Variants in ITGA2 observed in about 807,000 individuals in gnomAD.
ITGA2 encodes integrin subunit alpha 2, also known as integrin alpha-2.
ITGA2 carries 101 observed loss-of-function variants against 146.3 expected under a neutral mutation model. The ratio of observed to expected loss-of-function variants is 0.69; its 90% confidence interval spans 0.59 to 0.81. The LOEUF (loss-of-function observed/expected upper bound fraction) is 0.81, where lower values mean the gene tolerates loss of function less well. Among genes scored for constraint, ITGA2 ranks in the 40% least tolerant of loss-of-function variants. The probability of loss-of-function intolerance (pLI) is 0.00; values close to 1 mark genes in which losing one functional copy is unlikely to be tolerated. For synonymous variants in ITGA2, 477 were observed against 487.1 expected (o/e 0.98, Z 0.27); for missense variants, 1,281 against 1,402.7 (o/e 0.91, Z 1.39).
Position 53,044,274 on chromosome 5 carries a change from CAAAAAAAAAAAAAAAA to C in ITGA2, c.296-710_296-695del, listed in dbSNP as rs11421419. Reference sequence around the variant, plus strand: ...TGGATGACAGAGTGAGACTCTGTCTCAAAAAAAAAAAAAAAAAAAAAAAAAAAAAAAAGAAAGGTGA... The same window carrying C: ...TGGATGACAGAGTGAGACTCTGTCTCAAAAAAAAAAAAAAAAGAAAGGTGA... On this transcript the variant is annotated intron_variant, in intron 3 of 29. Coordinates refer to ENST00000296585, the MANE Select transcript of ITGA2 (RefSeq NM_002203.4). Among the ~76,000 whole-genome samples the C allele has an allele frequency of 5.0e-4, 19 of 37,778 alleles. 1 individual carries two copies. Among genetic ancestry groups the C allele is most frequent in the East Asian group, 8.9e-4 (1 of 1,120 alleles). 24.8% of individuals were successfully genotyped at this position (37,778 alleles called of 152,430 possible).
chr5:53,032,731 A>G (rs1472547821), intron 2 of ITGA2, among the ~76,000 whole-genome samples: 1 of 152,192 alleles, frequency 6.6e-6, no homozygotes, highest in East Asian at 1.9e-4. Flanking sequence ...TGTTAGCATC[A>G]TTGGCTTTAC....
intron 12 of ITGA2, among the ~76,000 whole-genome samples, chr5:53,061,375 A>G (rs561407184): frequency 1.3e-5 from 2 of 152,016 alleles, no homozygotes; most frequent in South Asian, 4.1e-4. Context: ...CCCTGGATTA[A>G]TAATGCATGG....
intron 9 of ITGA2, 47 bp from the exon 10 acceptor site, chr5:53,057,978 T>C: frequency 1.4e-6 from 2 of 1,421,292 alleles, no homozygotes; most frequent in South Asian, 1.1e-5. Flanking sequence ...GAAAACTTGA[T>C]TTAAAATTAC....
chr5:53,022,523 T>A (rs1742739786), intron 1 of ITGA2, among the ~76,000 whole-genome samples: 2 of 152,210 alleles, frequency 1.3e-5, no homozygotes, highest in South Asian at 4.1e-4. Flanking sequence ...TCCAAAAAAA[T>A]TATTTCAGAG....
intron 23 of ITGA2, among the ~76,000 whole-genome samples, chr5:53,077,408 G>A (rs3212600): frequency 0.37 from 56,368 of 151,796 alleles, 10,613 homozygotes; most frequent in Admixed American, 0.43. Context: ...TAGAAATAGC[G>A]ATAATAGTAT....
chr5:53,055,615 C>A lies in ITGA2; in HGVS notation c.857C>A (p.Ser286Ter). ...ATGGTAGTTGTAACTGACGGTGAAT[C>A]ACATGATGGTTCAATGTTGAAAGCT... ...KVMVVVTDGE[S>*]HDGSMLKAVI... is the part of the protein sequence containing the mutation. The change falls in exon 8 of 30, where the codon TCA becomes TAA. Residue 286 changes from serine (S) to a stop codon, truncating the protein, a stop_gained. Coordinates refer to ENST00000296585, the MANE Select transcript of ITGA2 (RefSeq NM_002203.4). LOFTEE classifies it high-confidence loss of function. The A allele has an allele frequency of 1.9e-6, 3 of 1,613,250 alleles. No individual in the cohort carries two copies. The highest frequency in any genetic ancestry group is 2.5e-6 in the Non-Finnish European group (3 of 1,179,416).
At position 53,026,862 on chromosome 5, in the gene ITGA2, G is replaced by A. The variant is rs371889365; in HGVS notation, c.179G>A (p.Gly60Asp). 12 of 1,611,794 alleles carry A rather than the reference G, an allele frequency of 7.4e-6. No individual in the cohort carries two copies. The highest frequency in any genetic ancestry group is 9.3e-6 in the Non-Finnish European group (11 of 1,178,148). Residue 60 changes from glycine (G) to aspartate (D), a missense_variant, in exon 2 of 30, where the codon GGC (glycine) becomes GAC (aspartate). By Grantham distance (94) the Gly-to-Asp change is moderately conservative. This residue lies in a region of ITGA2 where 795 missense variants were observed against 841.7 expected (regional missense o/e 0.94). Transcript: ENST00000296585. Reference protein sequence around the residue: ...YAVQQFINPKGNWLLVGSPWS... With the variant: ...YAVQQFINPKDNWLLVGSPWS... Reference sequence around the variant, plus strand: ...GTGCAGCAGTTTATAAATCCAAAAGGCAACTGGTAAGAATATTCTCTTCTT... The same window carrying A: ...GTGCAGCAGTTTATAAATCCAAAAGACAACTGGTAAGAATATTCTCTTCTT...
At chr5:53,086,835 G>T in intron 27 of ITGA2, 117 bp from the exon 28 acceptor site, 1 of 844,124 alleles carries the variant, frequency 1.2e-6, no homozygotes. Context: ...TGGGTCTTCA[G>T]AACCATTTGC....
intron 3 of ITGA2, among the ~76,000 whole-genome samples, chr5:53,044,006 G>A (rs935332633): frequency 1.3e-5 from 2 of 151,992 alleles, no homozygotes; most frequent in East Asian, 1.9e-4. Context: ...TGGGCATGGT[G>A]TCTCACGCCT....
At chr5:53,027,703 A>T (rs566168077) in intron 2 of ITGA2, among the ~76,000 whole-genome samples, 13 of 152,152 alleles carry the variant, frequency 8.5e-5, no homozygotes, top group South Asian at 2.1e-4. Flanking sequence ...ATCCCCACTC[A>T]CCCTGGAACT....
intron 16 of ITGA2, 107 bp from the exon 17 acceptor site, chr5:53,070,002 T>G: frequency 1.1e-6 from 1 of 881,734 alleles, no homozygotes; most frequent in Non-Finnish European, 1.8e-6. Context: ...TATTTCCATA[T>G]TTTCTTGATG....
chr5:53,053,163 G>A (rs1744464406), intron 7 of ITGA2, among the ~76,000 whole-genome samples: 1 of 152,048 alleles, frequency 6.6e-6, no homozygotes, highest in South Asian at 2.1e-4. Flanking sequence ...GCCACATCCT[G>A]TCATTTCTAT....
In ITGA2 at chr5:53,067,236, A is replaced by G. The variant is rs753137353; in HGVS notation, c.2062A>G (p.Thr688Ala). Residue 688 changes from threonine to alanine, a missense_variant, in exon 16 of 30, where the codon ACT becomes GCT. Physicochemically the swap from Thr to Ala is moderately conservative, Grantham distance 58. Around this residue, in one of 3 missense-constraint regions of ITGA2, gnomAD observed 795 missense variants for 841.7 expected, o/e 0.94. Transcript: ENST00000296585. Reference protein sequence around the residue: ...KLCFSAKFRPTKQNNQVAIVY... With the variant: ...KLCFSAKFRPAKQNNQVAIVY... The stretch of plus-strand genomic sequence containing the variant: ...CTGCTTCAGTGCAAAGTTCAGACCT[A>G]CTAAGCAAAACAATCAAGTGGGTGC... 1.2e-6 allele frequency: 2 copies of G among 1,611,654 alleles called. No homozygotes were observed. The highest frequency in any genetic ancestry group is 3.3e-5 in the Admixed American group (2 of 59,798).
intron 1 of ITGA2, among the ~76,000 whole-genome samples, chr5:53,020,433 G>A (rs1444852141): frequency 6.6e-6 from 1 of 152,168 alleles, no homozygotes; most frequent in Non-Finnish European, 1.5e-5. Context: ...AGGCATAAAT[G>A]TAGGGATCCC....
At chr5:53,003,040 C>A (rs1408054829) in intron 1 of ITGA2, among the ~76,000 whole-genome samples, 3 of 152,116 alleles carry the variant, frequency 2.0e-5, no homozygotes, top group African/African-American at 7.2e-5. Flanking sequence ...CTTATGATAA[C>A]CAGCCTTGAA....
In ITGA2 at chr5:53,042,318, A is replaced by C. The variant is rs1412355611; in HGVS notation, c.295+97A>C. ...ATTGTTCTGTCTTAAAGAAATACAG[A>C]CAGCTTTTTTTTGCCCTTATGTCTT... On this transcript the variant is annotated intron_variant, in intron 3 of 29. Transcript: ENST00000296585. 6.8e-6 allele frequency: 6 copies of C among 878,500 alleles called. No homozygotes were observed. In the East Asian group the frequency reaches 7.6e-5, roughly 11 times the overall value. 54.4% of individuals were successfully genotyped at this position (878,500 alleles called of 1,614,324 possible). A position where few individuals can be genotyped will look rare whatever the true frequency, so the allele number is the denominator to read the frequency against.
rs755079465 is a variant in ITGA2 at position 53,059,922 on chromosome 5, A to G, written c.1222A>G (p.Ile408Val). The G allele has an allele frequency of 2.5e-6, 4 of 1,612,190 alleles. No homozygotes were observed. The highest frequency in any genetic ancestry group is 1.3e-5 in the African/African-American group (1 of 74,816). The change falls in exon 11 of 30, where the codon ATT becomes GTT. Residue 408 changes from isoleucine (I) to valine (V), a missense_variant. Around this residue, in one of 3 missense-constraint regions of ITGA2, gnomAD observed 795 missense variants for 841.7 expected, o/e 0.94. Transcript: ENST00000296585. ...AVGAFGWSGT[I>V]VQKTSHGHLI... The stretch of plus-strand genomic sequence containing the variant: ...GGGAGCTTTTGGCTGGAGTGGGACC[A>G]TTGTCCAGAAGACATCTCATGGCCA...
rs1243830465 is a variant in ITGA2, at chr5:53,093,222, G to C, written c.*2623G>C. The C allele has an allele frequency of 1.3e-5, 2 of 152,164 alleles. No homozygotes were observed. The highest frequency in any genetic ancestry group is 1.9e-4 in the East Asian group (1 of 5,192). 9.4% of individuals were successfully genotyped at this position (152,164 alleles called of 1,614,324 possible). A position where few individuals can be genotyped will look rare whatever the true frequency, so the allele number is the denominator to read the frequency against. ...ACTCTGTCTCACCTCCTTTAGGTGA[G>C]TACTTCCTTAAATAAGTGCTAAACA... On this transcript the variant is annotated 3_prime_UTR_variant, in exon 30 of 30. Coordinates refer to ENST00000296585, the MANE Select transcript of ITGA2 (RefSeq NM_002203.4).
At chr5:53,027,112 A>G (rs969611463) in intron 2 of ITGA2, among the ~76,000 whole-genome samples, 1 of 152,088 alleles carries the variant, frequency 6.6e-6, no homozygotes, top group African/African-American at 2.4e-5. Context: ...AAGCAAATTT[A>G]TAATACCAGT....
Sources: gnomAD v4.1 joint callset for allele counts (sites outside exome capture counted in the v4.1 genomes callset) on GRCh38, gnomAD v4.1.1 for gene constraint, gnomAD v4.1.1 regional missense constraint, MANE v1.5 for transcripts, NCBI Gene and HGNC (gene_info 2026-07-23, HGNC 2026-07-21) for gene names.